CTNND2: variants seen among roughly 807,000 people sequenced by gnomAD.
CTNND2 encodes catenin delta-2.
A neutral mutation model predicts 144.4 loss-of-function variants in CTNND2; 22 were observed. That is an observed-to-expected ratio of 0.15 (90% CI 0.11 to 0.22). The LOEUF is 0.22. Among genes scored for constraint, CTNND2 ranks in the 10% least tolerant of loss-of-function variants. The probability of loss-of-function intolerance (pLI) is 1.00; values close to 1 mark genes in which losing one functional copy is unlikely to be tolerated. For missense variants in CTNND2, 1,353 were observed against 1,618.8 expected, an observed-to-expected ratio of 0.84 and a Z score of 2.82; for synonymous variants, 751 against 695.6, an observed-to-expected ratio of 1.08 and a Z score of -1.25.
At chr5:11,016,318 T>C (rs1018107872) in intron 18 of CTNND2, among the ~76,000 whole-genome samples, 1 of 152,190 alleles carries the variant, frequency 6.6e-6, no homozygotes, top group Non-Finnish European at 1.5e-5. Flanking sequence ...AAGAGAAATA[T>C]ATAGGCTACA....
At chr5:11,878,889 C>T (rs766397977) in intron 1 of CTNND2, among the ~76,000 whole-genome samples, 2 of 152,330 alleles carry the variant, frequency 1.3e-5, no homozygotes, top group East Asian at 3.9e-4. Context: ...GGGAGTTTCG[C>T]TGCTAGCCTG....
chr5:11,176,535 G>A (rs2149793371), intron 11 of CTNND2, among the ~76,000 whole-genome samples: 1 of 152,160 alleles, frequency 6.6e-6, no homozygotes, highest in East Asian at 1.9e-4. Flanking sequence ...ACTGTGTTTG[G>A]AGGTTGAGAA....
chr5:11,141,561 G>A (rs547303054), intron 12 of CTNND2, among the ~76,000 whole-genome samples: 7 of 152,218 alleles, frequency 4.6e-5, no homozygotes, highest in Non-Finnish European at 7.4e-5. Context: ...GCCTTTGAAC[G>A]GTTAAGTTTG....
intron 12 of CTNND2, among the ~76,000 whole-genome samples, chr5:11,139,576 C>G (rs1275226257): frequency 6.6e-6 from 1 of 152,194 alleles, no homozygotes; most frequent in East Asian, 1.9e-4. Context: ...CATTTTCTCT[C>G]TGTTTGCTGC....
intron 12 of CTNND2, among the ~76,000 whole-genome samples, chr5:11,134,289 T>C (rs752866755): frequency 9.2e-5 from 14 of 152,200 alleles, no homozygotes; most frequent in Non-Finnish European, 1.8e-4. Flanking sequence ...CTTAGTCTAC[T>C]TCATGGGTCT....
chr5:11,220,159 C>T (rs1739641938), intron 10 of CTNND2, among the ~76,000 whole-genome samples: 1 of 152,014 alleles, frequency 6.6e-6, no homozygotes, highest in Non-Finnish European at 1.5e-5. Context: ...GTATGCTTCT[C>T]CATCACCTGT....
intron 18 of CTNND2, among the ~76,000 whole-genome samples, chr5:10,995,857 A>G (rs1739282971): frequency 6.6e-6 from 1 of 152,178 alleles, no homozygotes; most frequent in Non-Finnish European, 1.5e-5. Context: ...TGACAGGAAG[A>G]TAAGGATATT....
intron 3 of CTNND2, among the ~76,000 whole-genome samples, chr5:11,491,270 A>G (rs370310878): frequency 1.3e-5 from 2 of 152,178 alleles, no homozygotes; most frequent in East Asian, 1.9e-4. Context: ...AGGTCTCCAT[A>G]AATGATGGGG....
chr5:11,651,644 T>C lies in CTNND2; in HGVS notation c.174+80492A>G, dbSNP rs564142243. On this transcript the variant is annotated intron_variant, in intron 2 of 21. Transcript: ENST00000304623. The stretch of plus-strand genomic sequence containing the variant: ...ACCTGCAAAGCCACAGGGGTGGAGA[T>C]GCCCAAGGCATTAGGAGCCCAGCCC... 5.3e-5 allele frequency among the ~76,000 whole-genome samples: 8 copies of C among 152,310 alleles called. No homozygotes were observed. The East Asian group carries it at 1.5e-3, about 29-fold the overall frequency.
Position 10,973,638 on chromosome 5 carries a change from T to G in CTNND2, c.3493A>C (p.Arg1165=), listed in dbSNP as rs755317443. 1 of 1,614,156 alleles carries G rather than the reference T, an allele frequency of 6.2e-7. No homozygotes were observed. Among genetic ancestry groups the G allele is most frequent in the Non-Finnish European group, 8.5e-7 (1 of 1,179,996 alleles). Residue 1165 remains arginine (R), a synonymous_variant, in exon 22 of 22, where the codon AGA becomes CGA. Transcript: ENST00000304623. This position sits in a 1 kb window ranked among gnomAD's most constrained non-coding sequence, Gnocchi z 5.6. ...ETYQPFQNST[R]NYDESFFEDQ... is the part of the protein sequence containing the mutation. ...TCGAAGAAGGACTCATCGTAATTTC[T>G]TGTGGAATTCTGAAATGGCTGGTAG...
At chr5:11,760,445 G>T (rs1489503131) in intron 1 of CTNND2, among the ~76,000 whole-genome samples, 1 of 152,146 alleles carries the variant, frequency 6.6e-6, no homozygotes, top group African/African-American at 2.4e-5. Flanking sequence ...TTAAACATAT[G>T]TAAGACAATG....
intron 1 of CTNND2, among the ~76,000 whole-genome samples, chr5:11,843,144 G>C (rs1179771990): frequency 2.6e-5 from 4 of 152,108 alleles, no homozygotes; most frequent in Non-Finnish European, 5.9e-5. Context: ...TTATGAAAAA[G>C]TTGCACTTCT....
intron 2 of CTNND2, among the ~76,000 whole-genome samples, chr5:11,602,976 A>C (rs1381294211): frequency 6.6e-6 from 1 of 151,812 alleles, no homozygotes; most frequent in East Asian, 1.9e-4. Flanking sequence ...CGTAATAATG[A>C]TTTACTTAAA....
At chr5:11,586,104 T>C (rs1778844884) in intron 2 of CTNND2, among the ~76,000 whole-genome samples, 1 of 152,202 alleles carries the variant, frequency 6.6e-6, no homozygotes, top group Non-Finnish European at 1.5e-5. Flanking sequence ...TAGGATTCCT[T>C]TGCCTGCTAT....
chr5:11,694,551 T>A (rs764198976), intron 2 of CTNND2, among the ~76,000 whole-genome samples: 8 of 152,188 alleles, frequency 5.3e-5, no homozygotes, highest in Non-Finnish European at 1.2e-4. Flanking sequence ...CAGAGTATTA[T>A]CTTCTGAGGC....
At chr5:11,111,380 C>T (rs1752962487) in intron 13 of CTNND2, among the ~76,000 whole-genome samples, 1 of 152,168 alleles carries the variant, frequency 6.6e-6, no homozygotes, top group African/African-American at 2.4e-5. Context: ...AGCGCCCCAC[C>T]TCTGACTCCC....
chr5:11,209,749 C>T lies in CTNND2; in HGVS notation c.1762-10088G>A, dbSNP rs190341996. Reference sequence around the variant, plus strand: ...CATCCTGGCTAACATGGTGAAACCCCGTCTCTACTAAAAATACAAAAAATT... The same window carrying T: ...CATCCTGGCTAACATGGTGAAACCCTGTCTCTACTAAAAATACAAAAAATT... On this transcript the variant is annotated intron_variant, in intron 10 of 21. Coordinates refer to ENST00000304623, the MANE Select transcript of CTNND2 (RefSeq NM_001332.4). Among the ~76,000 whole-genome samples, 304 of 151,948 alleles carry T rather than the reference C, an allele frequency of 2.0e-3. 2 individuals are homozygous for T. Among genetic ancestry groups the T allele is most frequent in the Middle Eastern group, 6.9e-3 (2 of 290 alleles).
At position 11,334,604 on chromosome 5, in the gene CTNND2, G is replaced by A. The variant is rs1325139920; in HGVS notation, c.1628+11768C>T. 2.6e-5 allele frequency among the ~76,000 whole-genome samples: 4 copies of A among 152,204 alleles called. No homozygotes were observed. In the East Asian group the frequency reaches 7.7e-4, roughly 29 times the overall value. On this transcript the variant is annotated intron_variant, in intron 9 of 21. Transcript: ENST00000304623. The stretch of plus-strand genomic sequence containing the variant: ...CGGCATCTCACCTATCCCTTCATAT[G>A]TAACTAACTTGTGTCTGAATTCCGA...
intron 3 of CTNND2, among the ~76,000 whole-genome samples, chr5:11,516,504 C>G (rs1048878250): frequency 6.6e-6 from 1 of 151,896 alleles, no homozygotes; most frequent in African/African-American, 2.4e-5. Flanking sequence ...TTGCAAGGTA[C>G]AAGATCAATA....
Sources: allele counts gnomAD v4.1 joint callset (sites outside exome capture counted in the v4.1 genomes callset), GRCh38; gene constraint gnomAD v4.1.1; non-coding constraint Gnocchi (gnomAD v3.1); transcripts MANE v1.5; gene names NCBI Gene and HGNC (gene_info 2026-07-23, HGNC 2026-07-21).